The following RPL39L variants were observed in gnomAD, a reference collection of about 807,000 sequenced individuals.
The protein encoded by RPL39L is ribosomal protein L39 like.
For synonymous variants in RPL39L, 16 were observed against 20.1 expected (o/e 0.80, Z 0.55); for missense variants, 48 against 58.9 (o/e 0.81, Z 0.61).
At chr3:187,135,564 G>A (rs532398511) in intron 1 of RPL39L, among the ~76,000 whole-genome samples, 37 of 152,240 alleles carry the variant, frequency 2.4e-4, no homozygotes, top group African/African-American at 7.0e-4. Context: ...TACCGTAAGC[G>A]CAATAAACCT....
intron 1 of RPL39L, among the ~76,000 whole-genome samples, chr3:187,137,818 T>C (rs1720610795): frequency 8.7e-6 from 1 of 114,540 alleles, no homozygotes; most frequent in Non-Finnish European, 1.6e-5. Context: ...GGATACTCCG[T>C]CTCAAAAAAA....
chr3:187,133,711 G>C (rs1478683346), intron 1 of RPL39L, among the ~76,000 whole-genome samples: 1 of 152,060 alleles, frequency 6.6e-6, no homozygotes, highest in Non-Finnish European at 1.5e-5. Flanking sequence ...CTCCTGTGTG[G>C]TATAGGCTCA....
intron 1 of RPL39L, among the ~76,000 whole-genome samples, chr3:187,129,019 T>C (rs1370123245): frequency 6.6e-6 from 1 of 152,204 alleles, no homozygotes; most frequent in Non-Finnish European, 1.5e-5. Flanking sequence ...TGTTGCAAAA[T>C]GACCATATGT....
intron 1 of RPL39L, among the ~76,000 whole-genome samples, chr3:187,137,121 G>A (rs1720592869): frequency 6.8e-6 from 1 of 147,374 alleles, no homozygotes; most frequent in Admixed American, 6.9e-5. Flanking sequence ...GATGGCTTGA[G>A]CCGAGGAGAT....
At chr3:187,124,823 T>C (rs1442153577) in intron 2 of RPL39L, among the ~76,000 whole-genome samples, 1 of 152,230 alleles carries the variant, frequency 6.6e-6, no homozygotes, top group Non-Finnish European at 1.5e-5. Context: ...GTTAGACCAC[T>C]TAAATTAGGC....
Position 187,138,644 on chromosome 3 carries a change from T to G in RPL39L, c.-93+569A>C, listed in dbSNP as rs1383183165. Among the ~76,000 whole-genome samples the G allele has an allele frequency of 4.6e-5, 7 of 152,266 alleles. No individual in the cohort carries two copies. The East Asian group carries it at 1.4e-3, about 29-fold the overall frequency. On this transcript the variant is annotated intron_variant, in intron 1 of 2. Coordinates refer to ENST00000296277, the MANE Select transcript of RPL39L (RefSeq NM_052969.3). ...TCCTGGGTAATTCTAGGGACACTAGTTGGACAACGCTGACATCTGAAGAGG... is the reference window on the plus strand; with the variant it reads ...TCCTGGGTAATTCTAGGGACACTAGGTGGACAACGCTGACATCTGAAGAGG...
chr3:187,129,593 T>C (rs1166443332), intron 1 of RPL39L, among the ~76,000 whole-genome samples: 13 of 152,226 alleles, frequency 8.5e-5, no homozygotes, highest in African/African-American at 2.7e-4. Flanking sequence ...ATCCAAGACT[T>C]AGCTGAGCTT....
chr3:187,127,965 T>C (rs1037419230), intron 2 of RPL39L, 34 bp downstream of exon 2: 4 of 152,324 alleles, frequency 2.6e-5, no homozygotes, highest in African/African-American at 9.6e-5. Flanking sequence ...CACTTTTTTT[T>C]CACAAGTTGA....
chr3:187,134,079 A>G (rs1259320956), intron 1 of RPL39L, among the ~76,000 whole-genome samples: 5 of 152,220 alleles, frequency 3.3e-5, no homozygotes, highest in African/African-American at 9.6e-5. Flanking sequence ...TGTTAGAACT[A>G]AGAGAGATGG....
At chr3:187,122,528 T>C (rs1168769834) in intron 2 of RPL39L, among the ~76,000 whole-genome samples, 1 of 152,210 alleles carries the variant, frequency 6.6e-6, no homozygotes, top group African/African-American at 2.4e-5. Flanking sequence ...TTCTGTCTTA[T>C]GGCTCACTGT....
At chr3:187,127,945 T>A (rs1445612005) in intron 2 of RPL39L, 54 bp downstream of exon 2, 2 of 152,182 alleles carry the variant, frequency 1.3e-5, no homozygotes, top group Non-Finnish European at 2.9e-5. Flanking sequence ...GTGTCCAATT[T>A]TAAAAATTAC....
At chr3:187,124,562 T>G (rs1375380006) in intron 2 of RPL39L, among the ~76,000 whole-genome samples, 1 of 152,172 alleles carries the variant, frequency 6.6e-6, no homozygotes, top group Non-Finnish European at 1.5e-5. Flanking sequence ...GTCCTAAGCA[T>G]AATCTTCAAC....
intron 2 of RPL39L, among the ~76,000 whole-genome samples, chr3:187,125,678 TC>T (rs2108467710): frequency 6.6e-6 from 1 of 152,044 alleles, no homozygotes; most frequent in Admixed American, 6.6e-5. Context: ...CTGTCTTCCT[TC>T]CCCACTATAT....
At chr3:187,124,300 A>T (rs962282784) in intron 2 of RPL39L, among the ~76,000 whole-genome samples, 4 of 152,184 alleles carry the variant, frequency 2.6e-5, no homozygotes, top group African/African-American at 9.6e-5. Context: ...AAATTGAGAG[A>T]TGGGAAATCA....
At chr3:187,129,941 C>T (rs1383603402) in intron 1 of RPL39L, among the ~76,000 whole-genome samples, 1 of 151,704 alleles carries the variant, frequency 6.6e-6, no homozygotes, top group East Asian at 1.9e-4. Flanking sequence ...TCTAGGTCAC[C>T]CAGTAGGTAT....
intron 1 of RPL39L, among the ~76,000 whole-genome samples, chr3:187,138,742 G>C (rs974578222): frequency 6.6e-6 from 1 of 152,108 alleles, no homozygotes; most frequent in African/African-American, 2.4e-5. Context: ...CTAGAAACAG[G>C]GGGTGCCTGA....
chr3:187,126,273 T>C (rs1720396225), intron 2 of RPL39L, among the ~76,000 whole-genome samples: 1 of 151,938 alleles, frequency 6.6e-6, no homozygotes, highest in African/African-American at 2.4e-5. Context: ...GCAATTCTCC[T>C]GCCTCAGCCT....
intron 1 of RPL39L, among the ~76,000 whole-genome samples, chr3:187,134,459 C>G (rs1156380423): frequency 1.4e-5 from 2 of 138,208 alleles, no homozygotes; most frequent in African/African-American, 3.2e-5. Context: ...GTCAGTAGTG[C>G]CCAAACTACT....
intron 1 of RPL39L, among the ~76,000 whole-genome samples, chr3:187,134,483 T>TAAAAAAAAAAAAAAAAAAAAAAAAA (rs72169562): frequency 3.5e-4 from 33 of 93,392 alleles, no homozygotes; most frequent in African/African-American, 1.3e-3. Context: ...GCCTGACTGA[T>TAAAAAAAAAAAAAAAAAAAAAAAAA]AAAAAAAAAA....
Sources: gnomAD v4.1 joint callset for allele counts (sites outside exome capture counted in the v4.1 genomes callset) on GRCh38, gnomAD v4.1.1 for gene constraint, MANE v1.5 for transcripts, NCBI Gene and HGNC (gene_info 2026-07-23, HGNC 2026-07-21) for gene names.